The following ARSH variants were observed in gnomAD, a reference collection of about 807,000 sequenced individuals.
The protein encoded by ARSH is arylsulfatase family member H.
ARSH carries 32 observed loss-of-function variants against 28.7 expected under a neutral mutation model. The observed-to-expected ratio is 1.11, with a 90% CI of 0.84 to 1.50. The LOEUF (loss-of-function observed/expected upper bound fraction) is 1.50, where lower values mean the gene tolerates loss of function less well. ARSH is among the 40% of genes most tolerant of loss of function. ARSH has a pLI of 0.00. For missense variants in ARSH, 440 were observed against 452.4 expected (o/e 0.97, Z 0.25); for synonymous variants, 176 against 177.3 (o/e 0.99, Z 0.06).
intron 6 of ARSH, among the ~76,000 whole-genome samples, chrX:3,024,872 A>G (rs774420106): frequency 4.5e-5 from 5 of 110,910 alleles, no homozygotes; most frequent in Non-Finnish European, 9.4e-5. Context: ...AATTTAAAAA[A>G]GAATTCTGCA....
intron 2 of ARSH, among the ~76,000 whole-genome samples, chrX:3,012,283 A>T (rs2089849063): frequency 9.3e-6 from 1 of 107,436 alleles, no homozygotes; most frequent in Non-Finnish European, 1.9e-5. Context: ...CACATCTTTA[A>T]TCCCAACACT....
chrX:3,033,465 T>C lies in ARSH; in HGVS notation c.*80T>C, dbSNP rs1221157736. ...GAGCAGAGCTCACCTGACTGATTCA[T>C]TCCATTTGGGATAAAAACTGATGGC... On this transcript the variant is annotated 3_prime_UTR_variant, in exon 9 of 9. Transcript: ENST00000381130. 6.9e-6 allele frequency: 7 copies of C among 1,018,587 alleles called. No individual in the cohort carries two copies. In the African/African-American group the frequency reaches 1.3e-4, roughly 19 times the overall value. The allele number at this position is 1,018,587 out of a possible 1,213,427, so 83.9% of individuals were successfully genotyped here. A position where few individuals can be genotyped will look rare whatever the true frequency, so the allele number is the denominator to read the frequency against.
In ARSH at chrX:3,018,637, G is replaced by A. The variant is rs1305618986; in HGVS notation, c.868G>A (p.Gly290Arg). The A allele has an allele frequency of 5.8e-6, 7 of 1,208,797 alleles. No individual in the cohort carries two copies. The highest frequency in any genetic ancestry group is 6.7e-6 in the Non-Finnish European group (6 of 894,630). Residue 290 changes from glycine to arginine, a missense_variant, in exon 5 of 9, where the codon GGG (glycine) becomes AGG (arginine). Physicochemically the swap from Gly to Arg is moderately radical, Grantham distance 125. Coordinates refer to ENST00000381130, the MANE Select transcript of ARSH (RefSeq NM_001011719.2). ...FVGRSKYGRY[G>R]DNVEEMDWMV... ...TGGGCGCAGTAAATATGGCAGGTAT[G>A]GGGACAATGTAGAAGAAATGGATTG...
chrX:3,032,072 G>A (rs1046177892), intron 8 of ARSH, among the ~76,000 whole-genome samples: 6 of 111,011 alleles, frequency 5.4e-5, no homozygotes, highest in African/African-American at 1.3e-4. Context: ...AGTAGACTTC[G>A]GTATAATCCT....
At chrX:3,010,219 A>G (rs1423592317) in intron 2 of ARSH, 68 bp downstream of exon 2, 2 of 1,122,718 alleles carry the variant, frequency 1.8e-6, no homozygotes, top group African/African-American at 3.6e-5. Context: ...AGTTTTTGCA[A>G]ATCTTTATAA....
intron 2 of ARSH, among the ~76,000 whole-genome samples, chrX:3,012,641 A>G (rs1168334723): frequency 1.1e-5 from 1 of 89,866 alleles, no homozygotes; most frequent in Non-Finnish European, 2.1e-5. Context: ...CACATATGAA[A>G]AAGAAATTGT....
In ARSH at chrX:3,029,245, A is replaced by G; in HGVS notation, c.1200-2A>G. ...CTTCTACACACCCCCTTCTCTCCCA[A>G]GAGTGATTGACGGCCAGAACCTAAT... On this transcript the variant is annotated splice_acceptor_variant, in intron 7 of 8. Transcript: ENST00000381130. LOFTEE classifies it high-confidence loss of function. 8.3e-7 allele frequency: 1 copy of G among 1,209,382 alleles called. No individual in the cohort carries two copies. Among genetic ancestry groups the G allele is most frequent in the South Asian group, 1.8e-5 (1 of 56,638 alleles).
intron 4 of ARSH, among the ~76,000 whole-genome samples, chrX:3,016,566 T>G (rs1427839777): frequency 9.1e-6 from 1 of 110,361 alleles, no homozygotes; most frequent in Non-Finnish European, 1.9e-5. Flanking sequence ...AGCTCACTCC[T>G]ACGTTACAAA....
chrX:3,016,078 A>G (rs915617323), intron 4 of ARSH, among the ~76,000 whole-genome samples: 2 of 106,762 alleles, frequency 1.9e-5, no homozygotes, highest in African/African-American at 6.9e-5. Context: ...TGGTGCAATC[A>G]TGGCTCACAG....
chrX:3,032,898 T>C (rs956630941), intron 8 of ARSH, 120 bp from the exon 9 acceptor site: 1 of 711,596 alleles, frequency 1.4e-6, no homozygotes, highest in East Asian at 3.3e-5. Flanking sequence ...TGCTGTGTAA[T>C]GCTGTGCAGA....
At chrX:3,024,728 T>A (rs1292565083) in intron 6 of ARSH, among the ~76,000 whole-genome samples, 1 of 111,435 alleles carries the variant, frequency 9.0e-6, no homozygotes, top group Non-Finnish European at 1.9e-5. Flanking sequence ...GAGTTTTTCA[T>A]TTGACTGGGG....
At chrX:3,008,270 C>T (rs1342450041) in intron 1 of ARSH, among the ~76,000 whole-genome samples, 5 of 111,575 alleles carry the variant, frequency 4.5e-5, no homozygotes, top group African/African-American at 9.8e-5. Context: ...CTCTGGTACC[C>T]GGGGCTCTTT....
intron 5 of ARSH, among the ~76,000 whole-genome samples, chrX:3,023,608 GATT>G (rs1191922915): frequency 1.9e-5 from 2 of 105,703 alleles, no homozygotes; most frequent in East Asian, 2.9e-4. Flanking sequence ...TTCCATAATT[GATT>G]ATATTTTAAT....
At chrX:3,018,991 G>A (rs773020130) in intron 5 of ARSH, among the ~76,000 whole-genome samples, 2 of 111,728 alleles carry the variant, frequency 1.8e-5, no homozygotes, top group Middle Eastern at 4.6e-3. Context: ...GGCCGGGCAC[G>A]CAGTGGCTCA....
chrX:3,017,928 A>C (rs760601407), intron 4 of ARSH, among the ~76,000 whole-genome samples: 45 of 112,675 alleles, frequency 4.0e-4, no homozygotes, highest in African/African-American at 1.4e-3. Context: ...AGATTAAAAG[A>C]TTTATTAAGC....
At chrX:3,032,352 C>T (rs2089916281) in intron 8 of ARSH, among the ~76,000 whole-genome samples, 1 of 102,241 alleles carries the variant, frequency 9.8e-6, no homozygotes, top group African/African-American at 3.6e-5. Flanking sequence ...GATTTGGTAA[C>T]CATTTCATAT....
chrX:3,014,166 C>A (rs1482158624), intron 3 of ARSH, among the ~76,000 whole-genome samples: 1 of 111,504 alleles, frequency 9.0e-6, no homozygotes, highest in African/African-American at 3.3e-5. Flanking sequence ...ACTCAGGAGG[C>A]TGAGGCAGGA....
chrX:3,008,596 C>T (rs2089837623), intron 1 of ARSH, among the ~76,000 whole-genome samples: 1 of 106,827 alleles, frequency 9.4e-6, no homozygotes, highest in Non-Finnish European at 1.9e-5. Flanking sequence ...GTCATCCAGA[C>T]TGGAGTGCAG....
rs563251801 is a variant in ARSH at position 3,022,779 on chromosome X, C to G, written c.902-1242C>G. On this transcript the variant is annotated intron_variant, in intron 5 of 8. Transcript: ENST00000381130. ...TAACCCAAACAGCAAGAATAACCTG[C>G]AATTTCCATGTAGACTTCAGATAGC... Among the ~76,000 whole-genome samples the G allele has an allele frequency of 6.3e-5, 7 of 111,836 alleles. No homozygotes were observed. In the South Asian group the frequency reaches 2.6e-3, roughly 42 times the overall value.
Sources: gnomAD v4.1 joint callset for allele counts (sites outside exome capture counted in the v4.1 genomes callset) on GRCh38, gnomAD v4.1.1 for gene constraint, MANE v1.5 for transcripts, NCBI Gene and HGNC (gene_info 2026-07-23, HGNC 2026-07-21) for gene names.